EYA1: variants seen among roughly 807,000 people sequenced by gnomAD.
EYA1 encodes EYA transcriptional coactivator and phosphatase 1.
EYA1 carries 16 observed loss-of-function variants against 82.0 expected under a neutral mutation model. That is an observed-to-expected ratio of 0.20 (90% CI 0.13 to 0.30). The LOEUF (loss-of-function observed/expected upper bound fraction) is 0.30. EYA1 is among the 10% of genes least tolerant of loss of function. The pLI, the probability that EYA1 is intolerant of heterozygous loss-of-function variation, is 1.00. For synonymous variants in EYA1, 261 were observed against 264.4 expected, an observed-to-expected ratio of 0.99 and a Z score of 0.12; for missense variants, 633 against 730.7, an observed-to-expected ratio of 0.87 and a Z score of 1.54.
chr8:71,458,126 T>A (rs1357694354), intron 2 of EYA1, among the ~76,000 whole-genome samples: 1 of 152,118 alleles, frequency 6.6e-6, no homozygotes, highest in African/African-American at 2.4e-5. Flanking sequence ...ACAAAAAAAC[T>A]TTTAAATATA....
intron 12 of EYA1, among the ~76,000 whole-genome samples, chr8:71,234,529 T>G (rs1415139421): frequency 6.6e-6 from 1 of 152,204 alleles, no homozygotes; most frequent in Non-Finnish European, 1.5e-5. Context: ...TTGGCCACAT[T>G]TGACACAGGA....
chr8:71,545,672 T>C (rs1175578266), intron 1 of EYA1, among the ~76,000 whole-genome samples: 1 of 151,014 alleles, frequency 6.6e-6, no homozygotes, highest in Non-Finnish European at 1.5e-5. Context: ...CGCCATTCTC[T>C]TGCCTCAGCC....
intron 2 of EYA1, among the ~76,000 whole-genome samples, chr8:71,406,665 C>T (rs1586652122): frequency 6.6e-6 from 1 of 152,198 alleles, no homozygotes; most frequent in Admixed American, 6.5e-5. Context: ...GCTTTTCAGA[C>T]TGGCTTAAAA....
intron 2 of EYA1, among the ~76,000 whole-genome samples, chr8:71,377,219 A>C (rs188193646): frequency 6.6e-6 from 1 of 152,310 alleles, no homozygotes; most frequent in Non-Finnish European, 1.5e-5. Flanking sequence ...GGCACCATGA[A>C]AGAAGCCCAA....
chr8:71,277,115 A>ATGCTTTTTTTTTTTTTTTTTTTTTTTTT (rs1563383057), intron 9 of EYA1, among the ~76,000 whole-genome samples: 1 of 76,938 alleles, frequency 1.3e-5, no homozygotes. Flanking sequence ...GGCTTCACAC[A>ATGCTTTTTTTTTTTTTTTTTTTTTTTTT]TTTTTTTTTT....
chr8:71,225,069 T>C (rs1810394630), intron 12 of EYA1: 1 of 297,024 alleles, frequency 3.4e-6, no homozygotes, highest in Admixed American at 4.1e-5. Flanking sequence ...ATTAGTAAAT[T>C]TGCAGGAACC....
intron 2 of EYA1, among the ~76,000 whole-genome samples, chr8:71,456,365 C>A (rs1461588729): frequency 6.6e-6 from 1 of 152,188 alleles, no homozygotes; most frequent in Admixed American, 6.5e-5. Flanking sequence ...TCATCCCCAT[C>A]AAGCTACCAA....
chr8:71,403,074 C>A (rs1186073611), intron 2 of EYA1, among the ~76,000 whole-genome samples: 3 of 152,090 alleles, frequency 2.0e-5, no homozygotes, highest in African/African-American at 7.2e-5. Flanking sequence ...AAGGAGAAGA[C>A]AAATAGAATT....
chr8:71,417,582 T>C (rs1292279027), intron 2 of EYA1, among the ~76,000 whole-genome samples: 1 of 152,188 alleles, frequency 6.6e-6, no homozygotes. Flanking sequence ...AAAGCTCCTA[T>C]TTACATTATA....
At chr8:71,293,687 A>G (rs936041681) in intron 9 of EYA1, among the ~76,000 whole-genome samples, 1 of 151,970 alleles carries the variant, frequency 6.6e-6, no homozygotes, top group African/African-American at 2.4e-5. Flanking sequence ...AAGAAAAACC[A>G]TATGATCAAA....
chr8:71,330,006 A>ACAGGGAAAGGACTGC (rs1288723847), intron 4 of EYA1, among the ~76,000 whole-genome samples: 1 of 152,180 alleles, frequency 6.6e-6, no homozygotes, highest in African/African-American at 2.4e-5. Flanking sequence ...AGGCAGGTGT[A>ACAGGGAAAGGACTGC]CAGGGAAAGG....
At chr8:71,416,594 G>A (rs1297027213) in intron 2 of EYA1, among the ~76,000 whole-genome samples, 1 of 152,182 alleles carries the variant, frequency 6.6e-6, no homozygotes, top group Non-Finnish European at 1.5e-5. Context: ...TAAAGGCCCT[G>A]CTCTGTGCAA....
intron 2 of EYA1, among the ~76,000 whole-genome samples, chr8:71,479,568 AAACACT>A (rs1809956931): frequency 3.3e-5 from 5 of 151,556 alleles, no homozygotes; most frequent in Non-Finnish European, 4.4e-5. Flanking sequence ...CCTGCTGCAT[AAACACT>A]GTTGAATGAG....
chr8:71,429,068 G>A (rs915890973), intron 2 of EYA1, among the ~76,000 whole-genome samples: 1 of 152,060 alleles, frequency 6.6e-6, no homozygotes, highest in Non-Finnish European at 1.5e-5. Context: ...TTCTATAGGA[G>A]GAAAAATCAG....
At chr8:71,228,188 G>A (rs939443853) in intron 12 of EYA1, among the ~76,000 whole-genome samples, 33 of 152,294 alleles carry the variant, frequency 2.2e-4, no homozygotes, top group South Asian at 1.7e-3. Flanking sequence ...GCGGCGAGGA[G>A]AGGACCTTGG....
At chr8:71,211,596 C>T (rs1808520732) in intron 16 of EYA1, among the ~76,000 whole-genome samples, 1 of 152,160 alleles carries the variant, frequency 6.6e-6, no homozygotes, top group African/African-American at 2.4e-5. Flanking sequence ...CTTCTTTTTC[C>T]CCCTATATAT....
chr8:71,449,073 CAT>C (rs1807139563), intron 2 of EYA1: 1 of 166,662 alleles, frequency 6.0e-6, no homozygotes, highest in African/African-American at 2.4e-5. Flanking sequence ...TCGACAGCCA[CAT>C]GTTATCTATG....
chr8:71,254,786 T>C (rs1469627964), intron 11 of EYA1, among the ~76,000 whole-genome samples: 2 of 152,106 alleles, frequency 1.3e-5, no homozygotes, highest in Admixed American at 6.5e-5. Flanking sequence ...TAAAATGATA[T>C]CTGTTTACAA....
At chr8:71,361,533 T>G (rs1827375387) in intron 1 of EYA1, 114 bp downstream of exon 1, 3 of 437,360 alleles carry the variant, frequency 6.9e-6, no homozygotes. Context: ...CATAATGTTT[T>G]TCTTTGAAAA....
Sources: allele counts gnomAD v4.1 joint callset (sites outside exome capture counted in the v4.1 genomes callset), GRCh38; gene constraint gnomAD v4.1.1; transcripts MANE v1.5; gene names NCBI Gene and HGNC (gene_info 2026-07-23, HGNC 2026-07-21).